The following PDE4DIP variants were observed in gnomAD, a reference collection of about 807,000 sequenced individuals.
PDE4DIP encodes phosphodiesterase 4D interacting protein.
A neutral mutation model predicts 221.4 loss-of-function variants in PDE4DIP; 59 were observed. That is an observed-to-expected ratio of 0.27 (90% confidence interval 0.22 to 0.33). The LOEUF is 0.33. PDE4DIP is among the 10% of genes least tolerant of loss of function. The probability of loss-of-function intolerance (pLI) is 1.00; values close to 1 mark genes in which losing one functional copy is unlikely to be tolerated. For missense variants in PDE4DIP, 1,036 were observed against 2,154.2 expected (o/e 0.48, Z 10.28); for synonymous variants, 404 against 815.9 (o/e 0.50, Z 8.60).
At position 148,813,806 on chromosome 1, in the gene PDE4DIP, A is replaced by G. The variant is rs1445477571; in HGVS notation, c.233+5069A>G. 9.7e-5 allele frequency among the ~76,000 whole-genome samples: 12 copies of G among 124,012 alleles called. No individual in the cohort carries two copies. The East Asian group carries it at 3.1e-3, about 32-fold the overall frequency. 81.4% of individuals were successfully genotyped at this position (124,012 alleles called of 152,430 possible). A position where few individuals can be genotyped will look rare whatever the true frequency, so the allele number is the denominator to read the frequency against. On this transcript the variant is annotated intron_variant, in intron 1 of 45. Coordinates refer to the PDE4DIP transcript ENST00000524974. ...TTTTTTTTTTTGCATGTAGATGTACAGTTGTTCTAACACTGTTTGTTAAGA... is the reference window on the plus strand; with the variant it reads ...TTTTTTTTTTTGCATGTAGATGTACGGTTGTTCTAACACTGTTTGTTAAGA...
At chr1:148,984,843 T>C (rs2061644670) in intron 21 of PDE4DIP, 1 of 152,120 alleles carries the variant, frequency 6.6e-6, no homozygotes, top group Non-Finnish European at 1.5e-5. Context: ...CTAGTTCCCA[T>C]TGATAGGATA....
At chr1:148,917,381 T>TA (rs587695514) in intron 1 of PDE4DIP, among the ~76,000 whole-genome samples, 2 of 144,082 alleles carry the variant, frequency 1.4e-5, no homozygotes, top group Non-Finnish European at 3.0e-5. Flanking sequence ...TCTTTTTGTT[T>TA]AAAAAAATGG....
intron 32 of PDE4DIP, among the ~76,000 whole-genome samples, chr1:149,014,947 C>CTATCTGCA (rs2069915486): frequency 2.0e-5 from 3 of 152,084 alleles, no homozygotes; most frequent in Non-Finnish European, 4.4e-5. Flanking sequence ...AGTAAGCTGA[C>CTATCTGCA]TATCTGCAAC....
At chr1:148,959,093 C>T (rs587635579) in intron 5 of PDE4DIP, among the ~76,000 whole-genome samples, 3 of 152,260 alleles carry the variant, frequency 2.0e-5, no homozygotes, top group Admixed American at 6.5e-5. Flanking sequence ...CCTGTTTTGC[C>T]GCACAGGGCT....
At chr1:148,890,720 A>G (rs1412222257) in intron 1 of PDE4DIP, among the ~76,000 whole-genome samples, 2 of 89,160 alleles carry the variant, frequency 2.2e-5, no homozygotes, top group Non-Finnish European at 4.2e-5. Flanking sequence ...GCGCCGCTAC[A>G]CTCCAGCCTA....
chr1:148,973,823 TATC>T (rs1194107625), intron 16 of PDE4DIP, among the ~76,000 whole-genome samples: 3 of 128,096 alleles, frequency 2.3e-5, no homozygotes, highest in Non-Finnish European at 3.3e-5. Context: ...ATTTTTTTAT[TATC>T]TTCTGGATGG....
chr1:148,981,651 T>A, intron 21 of PDE4DIP: 1 of 451,544 alleles, frequency 2.2e-6, no homozygotes, highest in Middle Eastern at 6.4e-4. Context: ...TGGTGGAGGT[T>A]GCAAAGTGTA....
At chr1:148,978,415 G>C (rs1553539662) in exon 19 of PDE4DIP, 4 of 1,584,556 alleles carry the variant, frequency 2.5e-6, no homozygotes, top group Admixed American at 1.8e-5. Context: ...GAAGACAACA[G>C]GTAAGTTACT....
chr1:148,958,860 C>G (rs1389784186), intron 5 of PDE4DIP, among the ~76,000 whole-genome samples: 6 of 152,048 alleles, frequency 3.9e-5, no homozygotes, highest in African/African-American at 2.4e-5. Context: ...ACATACATGG[C>G]TCACATTATA....
At position 149,000,562 on chromosome 1, in the gene PDE4DIP, A is replaced by AT. The variant is rs1553574010; in HGVS notation, c.3138-1029_3138-1028insT. Among the ~76,000 whole-genome samples, 112 of 151,036 alleles carry AT rather than the reference A, an allele frequency of 7.4e-4. 1 individual carries two copies. In the South Asian group the frequency reaches 9.4e-3, roughly 13 times the overall value. ...GAGTGAGACTCTGTCTCAAAAAAAA[A>AT]AAATAAATAAATAAAAATTAAAAAA... On this transcript the variant is annotated intron_variant, in intron 23 of 43. Transcript: ENST00000369354.
chr1:148,838,654 C>CT (rs59863607), intron 1 of PDE4DIP, among the ~76,000 whole-genome samples: 2 of 128,452 alleles, frequency 1.6e-5, no homozygotes, highest in South Asian at 2.9e-4. Flanking sequence ...TTTTAGCCCA[C>CT]TTTTTTTTCT....
Position 148,907,056 on chromosome 1 carries a change from A to C in PDE4DIP, c.141+17162A>C, listed in dbSNP as rs1198479014. On this transcript the variant is annotated intron_variant, in intron 1 of 43. Coordinates refer to ENST00000369354, the Ensembl canonical transcript of PDE4DIP. ...AAGAGTGAAACTCCATCTCAAAAAA[A>C]CCAAAAAAAACAAAAAAACAATAGT... Among the ~76,000 whole-genome samples, 3 of 151,440 alleles carry C rather than the reference A, an allele frequency of 2.0e-5. No homozygotes were observed. In the South Asian group the frequency reaches 6.3e-4, roughly 32 times the overall value.
intron 43 of PDE4DIP, 48 bp downstream of exon 46, chr1:149,030,326 C>A (rs782612847): frequency 6.4e-7 from 1 of 1,551,244 alleles, no homozygotes; most frequent in Admixed American, 1.9e-5. Flanking sequence ...TGTCCCCCAC[C>A]CATCACCATC....
intron 22 of PDE4DIP, 82 bp from the exon 26 acceptor site, chr1:148,998,061 T>C (rs2064722787): frequency 1.2e-6 from 1 of 818,200 alleles, no homozygotes. Context: ...TTTGTTCTCA[T>C]TTAAAACTGC....
intron 21 of PDE4DIP, 134 bp downstream of exon 24, chr1:148,981,531 A>T: frequency 9.7e-7 from 1 of 1,030,536 alleles, no homozygotes; most frequent in Non-Finnish European, 1.5e-6. Flanking sequence ...GCAGAATTAA[A>T]CGGTGACTTA....
At chr1:149,005,564 G>C (rs1208507472) in intron 27 of PDE4DIP, 127 bp downstream of exon 30, 14 of 806,968 alleles carry the variant, frequency 1.7e-5, no homozygotes, top group Non-Finnish European at 2.8e-5. Context: ...GATTTAAATG[G>C]TAGATACAGG....
intron 30 of PDE4DIP, 105 bp from the exon 34 acceptor site, chr1:149,010,338 C>T (rs1178341981): frequency 3.4e-6 from 3 of 880,488 alleles, no homozygotes; most frequent in African/African-American, 1.7e-5. Flanking sequence ...TGGTTCTTTC[C>T]CTGAAAGCAA....
exon 18 of PDE4DIP, chr1:148,978,008 G>A (rs139319586): frequency 1.2e-6 from 2 of 1,613,968 alleles, no homozygotes; most frequent in African/African-American, 1.3e-5. Flanking sequence ...CTGCTGATAT[G>A]GAGTCTCTGA....
At chr1:149,025,041 TAGC>T (rs1443320572) in intron 38 of PDE4DIP, among the ~76,000 whole-genome samples, 1 of 147,606 alleles carries the variant, frequency 6.8e-6, no homozygotes, top group Non-Finnish European at 1.5e-5. Context: ...ACTCAATAAT[TAGC>T]AGCTGTATAT....
Sources: allele counts gnomAD v4.1 joint callset (sites outside exome capture counted in the v4.1 genomes callset), GRCh38; gene constraint gnomAD v4.1.1; transcripts MANE v1.5; gene names NCBI Gene and HGNC (gene_info 2026-07-23, HGNC 2026-07-21).